Variants in FBXO42 observed in about 807,000 individuals in gnomAD.
The protein encoded by FBXO42 is F-box only protein 42.
Under a neutral mutation model 71.7 loss-of-function variants are expected in FBXO42, and 12 were observed. The observed-to-expected ratio is 0.17, with a 90% CI of 0.11 to 0.27. FBXO42 has a LOEUF of 0.27. FBXO42 is among the 10% of genes least tolerant of loss of function. The pLI, the probability that FBXO42 is intolerant of heterozygous loss-of-function variation, is 1.00. For synonymous variants in FBXO42, 325 were observed against 327.5 expected (o/e 0.99, Z 0.08); for missense variants, 707 against 911.9 (o/e 0.78, Z 2.89).
At chr1:16,346,319 GAACATTACC>G (rs2082653851) in intron 1 of FBXO42, among the ~76,000 whole-genome samples, 1 of 152,096 alleles carries the variant, frequency 6.6e-6, no homozygotes, top group African/African-American at 2.4e-5. Flanking sequence ...TATTCTAAGG[GAACATTACC>G]AGCTAAAACC....
chr1:16,297,722 C>T lies in FBXO42; in HGVS notation c.368-2805G>A, dbSNP rs186792982. On this transcript the variant is annotated intron_variant, in intron 3 of 9. Transcript: ENST00000375592. ...CTAAACATACAAAAAAAAAAATTAG[C>T]CGGGCGTGGTGGCAGGCGCCTGTAG... Among the ~76,000 whole-genome samples, 898 of 152,032 alleles carry T rather than the reference C, an allele frequency of 5.9e-3. 8 individuals are homozygous for T. Among genetic ancestry groups the T allele is most frequent in the African/African-American group, 0.021 (853 of 41,482 alleles).
chr1:16,293,483 AG>A (rs1361494714), intron 4 of FBXO42: 2 of 152,288 alleles, frequency 1.3e-5, no homozygotes, highest in African/African-American at 2.4e-5. Flanking sequence ...TGGTTGTGAC[AG>A]GAAGTGGAAG....
At chr1:16,336,019 T>G (rs1265368187) in intron 1 of FBXO42, among the ~76,000 whole-genome samples, 1 of 151,480 alleles carries the variant, frequency 6.6e-6, no homozygotes, top group Non-Finnish European at 1.5e-5. Context: ...GCAACCTCAC[T>G]GAACACCTCC....
At chr1:16,350,826 A>T (rs1052488145) in intron 1 of FBXO42, among the ~76,000 whole-genome samples, 34 of 151,326 alleles carry the variant, frequency 2.2e-4, no homozygotes, top group African/African-American at 8.0e-4. Flanking sequence ...AACAGTTGTC[A>T]TTTTAACAAT....
chr1:16,349,079 A>G (rs941152838), intron 1 of FBXO42, among the ~76,000 whole-genome samples: 6 of 152,216 alleles, frequency 3.9e-5, no homozygotes, highest in Non-Finnish European at 7.3e-5. Context: ...TGCAGAAGCC[A>G]TAACTGGGGC....
In FBXO42 at chr1:16,251,222, T is replaced by C. The variant is rs1217967594; in HGVS notation, c.1602A>G (p.Thr534=). 7 of 1,614,192 alleles carry C rather than the reference T, an allele frequency of 4.3e-6. No homozygotes were observed. Among genetic ancestry groups the C allele is most frequent in the Non-Finnish European group, 5.1e-6 (6 of 1,180,038 alleles). The part of the protein sequence containing the change: ...GGSMRHPPEQ[T]NGVHTPPHVA... ...CGTGAGGTGGGGTATGCACACCATT[T>C]GTCTGTTCAGGAGGGTGTCTCATAC... is the stretch of plus-strand genomic sequence containing the variant. Residue 534 remains threonine (T), a synonymous_variant, in exon 10 of 10, where the codon ACA becomes ACG. Coordinates refer to ENST00000375592, the MANE Select transcript of FBXO42 (RefSeq NM_018994.3). The surrounding 1 kb of genome is among the most constrained non-coding windows in gnomAD (Gnocchi z 4.5).
chr1:16,323,771 G>A (rs1161776314), intron 1 of FBXO42, among the ~76,000 whole-genome samples: 1 of 141,832 alleles, frequency 7.1e-6, no homozygotes, highest in Admixed American at 7.2e-5. Flanking sequence ...AGGTGGGTGA[G>A]GTGACAAAGC....
intron 1 of FBXO42, among the ~76,000 whole-genome samples, chr1:16,331,778 C>A (rs1490790697): frequency 6.6e-6 from 1 of 151,890 alleles, no homozygotes. Flanking sequence ...CAGCCAGGCG[C>A]GGTGGCTCAT....
At chr1:16,347,992 C>CAAAAAAAAAA (rs541561756) in intron 1 of FBXO42, among the ~76,000 whole-genome samples, 1 of 67,754 alleles carries the variant, frequency 1.5e-5, no homozygotes. Flanking sequence ...GACTCCGTCT[C>CAAAAAAAAAA]AAAAAAAAAA....
At chr1:16,335,836 C>T (rs2082547320) in intron 1 of FBXO42, among the ~76,000 whole-genome samples, 2 of 146,818 alleles carry the variant, frequency 1.4e-5, no homozygotes, top group African/African-American at 5.1e-5. Context: ...CATTGCATTC[C>T]AGCCTGGGTG....
chr1:16,350,955 A>G (rs917860207), intron 1 of FBXO42, among the ~76,000 whole-genome samples: 7 of 152,124 alleles, frequency 4.6e-5, no homozygotes, highest in Non-Finnish European at 7.4e-5. Flanking sequence ...TACAATAGAA[A>G]AGACACCCAA....
At chr1:16,284,663 C>T (rs1301303865) in intron 4 of FBXO42, among the ~76,000 whole-genome samples, 2 of 152,088 alleles carry the variant, frequency 1.3e-5, no homozygotes, top group Non-Finnish European at 2.9e-5. Context: ...AACCCCATCT[C>T]TACTAAAAAT....
rs115643209 is a variant in FBXO42, at chr1:16,315,715, C to T, written c.-17-280G>A. Among the ~76,000 whole-genome samples the T allele has an allele frequency of 3.0e-3, 453 of 152,182 alleles. 1 individual carries two copies. Among genetic ancestry groups the T allele is most frequent in the African/African-American group, 0.011 (442 of 41,508 alleles). ...ATCGTAAACCAGAAAACTTGTTCTC[C>T]AACAATTCTTCTAACTCAAGGATCT... is the stretch of plus-strand genomic sequence containing the variant. On this transcript the variant is annotated intron_variant, in intron 1 of 9. Coordinates refer to ENST00000375592, the MANE Select transcript of FBXO42 (RefSeq NM_018994.3).
intron 1 of FBXO42, among the ~76,000 whole-genome samples, chr1:16,335,444 T>A (rs968163147): frequency 1.3e-5 from 2 of 152,138 alleles, no homozygotes; most frequent in Non-Finnish European, 2.9e-5. Flanking sequence ...CCGGCTCATA[T>A]CACTTCCTAA....
chr1:16,330,437 G>A (rs1310956262), intron 1 of FBXO42, among the ~76,000 whole-genome samples: 2 of 152,032 alleles, frequency 1.3e-5, no homozygotes, highest in Non-Finnish European at 2.9e-5. Context: ...AGCCCAAGAG[G>A]TGGAGGCTGC....
At chr1:16,263,878 T>C (rs2081743844) in intron 4 of FBXO42, among the ~76,000 whole-genome samples, 1 of 149,510 alleles carries the variant, frequency 6.7e-6, no homozygotes, top group Non-Finnish European at 1.5e-5. Context: ...TGGCACAATC[T>C]TGGCTCGCTG....
chr1:16,253,163 G>C lies in FBXO42; in HGVS notation c.865-11C>G. ...ATCATCTATGACAATCTGAGGAGGG[G>C]AAGACATTGAAAATAAACCTACAAA... On this transcript the variant is annotated splice_polypyrimidine_tract_variant and intron_variant, in intron 7 of 9. Transcript: ENST00000375592. The C allele has an allele frequency of 6.2e-7, 1 of 1,611,260 alleles. No individual in the cohort carries two copies. The highest frequency in any genetic ancestry group is 1.7e-5 in the Admixed American group (1 of 59,480).
intron 1 of FBXO42, among the ~76,000 whole-genome samples, chr1:16,345,041 G>T (rs1441310126): frequency 6.6e-6 from 1 of 152,008 alleles, no homozygotes. Flanking sequence ...GGAGGTTATA[G>T]TGACCCAAGA....
rs749252197 is a variant in FBXO42 at position 16,316,863 on chromosome 1, GAAC to G, written c.-17-1431_-17-1429del. ...AAGAGATCCAGGCAGTAAAAAACTA[GAAC>G]AACATGAATGTCTATCAACAACAGA... is the stretch of plus-strand genomic sequence containing the variant. On this transcript the variant is annotated intron_variant, in intron 1 of 9. Transcript: ENST00000375592. Among the ~76,000 whole-genome samples the G allele has an allele frequency of 4.0e-5, 6 of 150,986 alleles. No homozygotes were observed. The South Asian group carries it at 6.2e-4, about 16-fold the overall frequency.
Sources: gnomAD v4.1 joint callset for allele counts (sites outside exome capture counted in the v4.1 genomes callset) on GRCh38, gnomAD v4.1.1 for gene constraint, Gnocchi (gnomAD v3.1) non-coding constraint, MANE v1.5 for transcripts, NCBI Gene and HGNC (gene_info 2026-07-23, HGNC 2026-07-21) for gene names.